Variants in TBC1D22A observed in about 807,000 individuals in gnomAD.
TBC1D22A encodes putative GTPase activator.
A neutral mutation model predicts 60.2 loss-of-function variants in TBC1D22A; 38 were observed. The observed-to-expected ratio is 0.63, with a 90% CI of 0.49 to 0.83. TBC1D22A has a LOEUF of 0.83. Among genes scored for constraint, TBC1D22A ranks in the 40% least tolerant of loss-of-function variants. The probability of loss-of-function intolerance (pLI) is 0.00; values close to 1 mark genes in which losing one functional copy is unlikely to be tolerated. For synonymous variants in TBC1D22A, 302 were observed against 281.7 expected (o/e 1.07, Z -0.72); for missense variants, 628 against 701.0 (o/e 0.90, Z 1.18).
chr22:47,016,311 A>G (rs1410839557), intron 10 of TBC1D22A, among the ~76,000 whole-genome samples: 1 of 152,204 alleles, frequency 6.6e-6, no homozygotes, highest in East Asian at 1.9e-4. Context: ...TGTGGGTGCC[A>G]TCATCCTGGC....
At chr22:47,077,969 G>T (rs575466381) in intron 11 of TBC1D22A, among the ~76,000 whole-genome samples, 1 of 152,230 alleles carries the variant, frequency 6.6e-6, no homozygotes, top group South Asian at 2.1e-4. Context: ...GCTCCTTCCT[G>T]GAATGGTTGT....
At chr22:47,025,756 C>G (rs980410916) in intron 10 of TBC1D22A, among the ~76,000 whole-genome samples, 11 of 151,852 alleles carry the variant, frequency 7.2e-5, no homozygotes, top group Non-Finnish European at 1.5e-4. Flanking sequence ...TAGAGGGAAA[C>G]GTATAGTATA....
chr22:46,977,262 T>C (rs1427351908), intron 9 of TBC1D22A, among the ~76,000 whole-genome samples: 1 of 152,262 alleles, frequency 6.6e-6, no homozygotes, highest in Non-Finnish European at 1.5e-5. Flanking sequence ...AACTATGTTT[T>C]TGGCTCACTT....
intron 11 of TBC1D22A, among the ~76,000 whole-genome samples, chr22:47,100,533 C>T (rs111995909): frequency 3.9e-4 from 60 of 152,234 alleles, no homozygotes; most frequent in African/African-American, 1.4e-3. Context: ...GTAATAGAAT[C>T]ATGGGGGCAG....
intron 8 of TBC1D22A, among the ~76,000 whole-genome samples, chr22:46,949,235 A>G (rs1468680691): frequency 6.6e-6 from 1 of 152,216 alleles, no homozygotes; most frequent in Non-Finnish European, 1.5e-5. Flanking sequence ...GAATACCTGG[A>G]ACCACCATGA....
intron 8 of TBC1D22A, among the ~76,000 whole-genome samples, chr22:46,963,862 G>A (rs902342966): frequency 2.6e-5 from 4 of 152,242 alleles, no homozygotes; most frequent in African/African-American, 9.6e-5. Context: ...GCAGGAGCAG[G>A]GCATGGGCCC....
chr22:47,151,705 G>A (rs1601686656), intron 12 of TBC1D22A, among the ~76,000 whole-genome samples: 1 of 152,214 alleles, frequency 6.6e-6, no homozygotes, highest in South Asian at 2.1e-4. Flanking sequence ...TTTCAGACCT[G>A]TGTGGTCACC....
chr22:47,109,136 G>A (rs180718079), intron 11 of TBC1D22A, among the ~76,000 whole-genome samples: 84 of 152,312 alleles, frequency 5.5e-4, no homozygotes, highest in Non-Finnish European at 2.1e-4. Flanking sequence ...AAAGCCCTGC[G>A]TGAGGTTAGA....
At chr22:47,144,907 A>G (rs950050091) in intron 12 of TBC1D22A, among the ~76,000 whole-genome samples, 1 of 151,856 alleles carries the variant, frequency 6.6e-6, no homozygotes, top group Admixed American at 6.6e-5. Context: ...CAGCCCGTGA[A>G]GGTGCCTGCT....
intron 11 of TBC1D22A, among the ~76,000 whole-genome samples, chr22:47,037,718 C>T (rs1299740128): frequency 2.6e-5 from 4 of 152,148 alleles, no homozygotes; most frequent in Non-Finnish European, 5.9e-5. Flanking sequence ...AACTTCAGGC[C>T]GTTCTCTTTG....
intron 7 of TBC1D22A, among the ~76,000 whole-genome samples, chr22:46,897,642 T>TTTTTTG (rs1288946837): frequency 3.2e-4 from 42 of 130,540 alleles, no homozygotes; most frequent in African/African-American, 1.2e-3. Context: ...TTCGTTTTGT[T>TTTTTTG]TTTTTTTGTG....
intron 11 of TBC1D22A, among the ~76,000 whole-genome samples, chr22:47,063,052 C>G (rs1248077692): frequency 6.6e-6 from 1 of 152,014 alleles, no homozygotes; most frequent in African/African-American, 2.4e-5. Flanking sequence ...TGAAGGCAGG[C>G]ACGGTGGAGA....
At chr22:46,967,940 C>A (rs1411221360) in intron 8 of TBC1D22A, among the ~76,000 whole-genome samples, 2 of 152,082 alleles carry the variant, frequency 1.3e-5, no homozygotes, top group Non-Finnish European at 2.9e-5. Context: ...TCCAGAGCAC[C>A]CCCTGGTAAT....
chr22:46,793,637 G>A lies in TBC1D22A; in HGVS notation c.256G>A (p.Ala86Thr), dbSNP rs771207642. 5 of 1,613,768 alleles carry A rather than the reference G, an allele frequency of 3.1e-6. No homozygotes were observed. The South Asian group carries it at 3.3e-5, about 11-fold the overall frequency. ...CGACGATGAGCTCCTGGCCATGGCG[G>A]CGGAGAGCCTGAACTCCGAGGTGGT... Reference protein sequence around the residue: ...EDDDELLAMAAESLNSEVVME... With the variant: ...EDDDELLAMATESLNSEVVME... Residue 86 changes from alanine (A) to threonine (T), a missense_variant, in exon 3 of 13, where the codon GCG becomes ACG. Coordinates refer to ENST00000337137, the MANE Select transcript of TBC1D22A (RefSeq NM_014346.5).
chr22:46,766,628 C>T (rs529751462), intron 1 of TBC1D22A, among the ~76,000 whole-genome samples: 3 of 152,150 alleles, frequency 2.0e-5, no homozygotes, highest in Admixed American at 6.5e-5. Flanking sequence ...CACTGCCTCC[C>T]GGGTTCAAGT....
intron 12 of TBC1D22A, among the ~76,000 whole-genome samples, chr22:47,158,573 C>G (rs988520012): frequency 6.6e-6 from 1 of 152,104 alleles, no homozygotes; most frequent in East Asian, 1.9e-4. Context: ...AGGCTGTGCC[C>G]GCCCTCCCAG....
chr22:47,036,594 G>A (rs867731400), intron 10 of TBC1D22A, among the ~76,000 whole-genome samples: 1 of 152,190 alleles, frequency 6.6e-6, no homozygotes, highest in Admixed American at 6.5e-5. Flanking sequence ...TCCCACTTGC[G>A]CACTCAACGG....
intron 9 of TBC1D22A, among the ~76,000 whole-genome samples, chr22:46,974,858 C>T (rs2074232101): frequency 6.6e-6 from 1 of 152,260 alleles, no homozygotes; most frequent in Admixed American, 6.5e-5. Flanking sequence ...GGCGCTGCAG[C>T]TGTGCCTGCT....
Position 47,064,418 on chromosome 22 carries a change from G to C in TBC1D22A, c.1329+27220G>C, listed in dbSNP as rs183822329. On this transcript the variant is annotated intron_variant, in intron 11 of 12. Coordinates refer to ENST00000337137, the MANE Select transcript of TBC1D22A (RefSeq NM_014346.5). ...TCTGCAGATGGAGCTGTTCAGCTCA[G>C]TATGGTTAATGTCAGGGAGGATTAA... Among the ~76,000 whole-genome samples the C allele has an allele frequency of 5.7e-4, 87 of 152,398 alleles. 1 individual carries two copies. The highest frequency in any genetic ancestry group is 2.1e-3 in the African/African-American group (86 of 41,596).
Sources: allele counts gnomAD v4.1 joint callset (sites outside exome capture counted in the v4.1 genomes callset), GRCh38; gene constraint gnomAD v4.1.1; transcripts MANE v1.5; gene names NCBI Gene and HGNC (gene_info 2026-07-23, HGNC 2026-07-21).